Variants in EXOC4 observed in about 807,000 individuals in gnomAD.
The protein encoded by EXOC4 is exocyst complex component 4, also known as SEC8-like 1.
EXOC4 carries 71 observed loss-of-function variants against 107.2 expected under a neutral mutation model. The observed-to-expected ratio is 0.66, with a 90% CI of 0.55 to 0.81. The LOEUF is 0.81. Ranked by LOEUF, EXOC4 falls within the 30% of genes least tolerant of loss-of-function variation. The probability of loss-of-function intolerance (pLI) is 0.00; values close to 1 mark genes in which losing one functional copy is unlikely to be tolerated. For synonymous variants in EXOC4, 456 were observed against 441.2 expected (o/e 1.03, Z -0.42); for missense variants, 1,108 against 1,189.6 (o/e 0.93, Z 1.01).
At chr7:133,985,468 GCTGCTTAAACAAC>G (rs1362082483) in intron 14 of EXOC4, among the ~76,000 whole-genome samples, 1 of 152,174 alleles carries the variant, frequency 6.6e-6, no homozygotes, top group Non-Finnish European at 1.5e-5. Flanking sequence ...TTACCTAGAA[GCTGCTTAAACAAC>G]CTGCTGTGAC....
intron 6 of EXOC4, among the ~76,000 whole-genome samples, chr7:133,357,126 A>G (rs1039854311): frequency 3.3e-5 from 5 of 152,242 alleles, no homozygotes; most frequent in African/African-American, 1.2e-4. Flanking sequence ...TATTTATAGT[A>G]GAGATTGTCG....
chr7:133,817,504 A>G lies in EXOC4; in HGVS notation c.1694A>G (p.Asp565Gly). Residue 565 changes from aspartate to glycine, a missense_variant, in exon 11 of 18, where the codon GAC becomes GGC. Coordinates refer to ENST00000253861, the MANE Select transcript of EXOC4 (RefSeq NM_021807.4). ...CCTTTGAAGATTCTGGCCAACGCAGACACCATGAAGGTGCTGGGAGTGCAG... is the reference window on the plus strand; with the variant it reads ...CCTTTGAAGATTCTGGCCAACGCAGGCACCATGAAGGTGCTGGGAGTGCAG... ...SDPLKILANA[D>G]TMKVLGVQRP... 2 of 1,614,174 alleles carry G rather than the reference A, an allele frequency of 1.2e-6. No homozygotes were observed. Among genetic ancestry groups the G allele is most frequent in the Non-Finnish European group, 1.7e-6 (2 of 1,180,010 alleles).
intron 9 of EXOC4, among the ~76,000 whole-genome samples, chr7:133,584,866 G>A (rs1044301157): frequency 1.3e-5 from 2 of 152,044 alleles, no homozygotes; most frequent in African/African-American, 2.4e-5. Flanking sequence ...GTGAGCCACC[G>A]TGCCTGGTCC....
chr7:134,007,158 AT>A (rs1794661322), intron 16 of EXOC4, among the ~76,000 whole-genome samples: 1 of 152,174 alleles, frequency 6.6e-6, no homozygotes, highest in Admixed American at 6.5e-5. Flanking sequence ...TTACTTGGCA[AT>A]GTTGAAATAT....
At chr7:133,858,675 C>T (rs916929901) in intron 11 of EXOC4, among the ~76,000 whole-genome samples, 9 of 152,148 alleles carry the variant, frequency 5.9e-5, no homozygotes, top group African/African-American at 1.4e-4. Context: ...ACCTGGTATG[C>T]GCAGGTGCTC....
chr7:133,810,591 CTTTGCTTTATTTTATTTTATTTTAT>C (rs1355971754), intron 10 of EXOC4, among the ~76,000 whole-genome samples: 33 of 71,190 alleles, frequency 4.6e-4, no homozygotes, highest in Admixed American at 2.1e-3. Context: ...AAGATCCATG[CTTTGCTTTATTTTATTTTATTTTAT>C]TTTATTTTAT....
chr7:133,899,602 C>G (rs1399356368), intron 12 of EXOC4, among the ~76,000 whole-genome samples: 1 of 152,144 alleles, frequency 6.6e-6, no homozygotes, highest in Non-Finnish European at 1.5e-5. Context: ...TCTTGCTTTC[C>G]CTCCTTAAAC....
intron 9 of EXOC4, among the ~76,000 whole-genome samples, chr7:133,594,304 T>C (rs1225285932): frequency 6.6e-6 from 1 of 152,100 alleles, no homozygotes; most frequent in Non-Finnish European, 1.5e-5. Context: ...AAAGAATGAA[T>C]AATATTTTCA....
chr7:133,702,380 C>G (rs568719034), intron 10 of EXOC4, among the ~76,000 whole-genome samples: 1 of 144,742 alleles, frequency 6.9e-6, no homozygotes, highest in East Asian at 2.2e-4. Context: ...ACGCTGTTGC[C>G]CAAGCTGCAG....
At chr7:133,802,629 C>CA in intron 10 of EXOC4, among the ~76,000 whole-genome samples, 1 of 152,122 alleles carries the variant, frequency 6.6e-6, no homozygotes, top group Non-Finnish European at 1.5e-5. Context: ...GAGGCTGAGG[C>CA]AGGCGGATCA....
chr7:133,839,183 G>GA (rs1797976524), intron 11 of EXOC4, among the ~76,000 whole-genome samples: 1 of 152,136 alleles, frequency 6.6e-6, no homozygotes, highest in Non-Finnish European at 1.5e-5. Flanking sequence ...CCAGCGTTTT[G>GA]AAAAATCACT....
Position 133,902,861 on chromosome 7 carries a change from C to A in EXOC4, c.1871+7126C>A, listed in dbSNP as rs1468585804. On this transcript the variant is annotated intron_variant, in intron 12 of 17. Coordinates refer to ENST00000253861, the MANE Select transcript of EXOC4 (RefSeq NM_021807.4). ...AGAATGAGACTCTGTCTCAAAAAAACAAAACAAAAAAAAAAAGAATTTTCG... is the reference window on the plus strand; with the variant it reads ...AGAATGAGACTCTGTCTCAAAAAAAAAAAACAAAAAAAAAAAGAATTTTCG... 2.5e-3 allele frequency among the ~76,000 whole-genome samples: 265 copies of A among 107,300 alleles called. 1 individual carries two copies. The highest frequency in any genetic ancestry group is 9.3e-3 in the Middle Eastern group (2 of 214). The allele number at this position is 107,300 out of a possible 152,430, so 70.4% of individuals were successfully genotyped here. A position where few individuals can be genotyped will look rare whatever the true frequency, so the allele number is the denominator to read the frequency against.
chr7:133,929,210 C>T lies in EXOC4; in HGVS notation c.2028-8681C>T, dbSNP rs115392421. ...CCTCCCAACGTGCTGGTATTATAGG[C>T]ATGAGCCACCACGCCCGGTTACAGT... On this transcript the variant is annotated intron_variant, in intron 13 of 17. Transcript: ENST00000253861. 2.4e-3 allele frequency among the ~76,000 whole-genome samples: 366 copies of T among 152,166 alleles called. 5 individuals are homozygous for T. Among genetic ancestry groups the T allele is most frequent in the African/African-American group, 8.2e-3 (342 of 41,528 alleles).
intron 11 of EXOC4, among the ~76,000 whole-genome samples, chr7:133,858,158 C>A (rs1798458353): frequency 6.6e-6 from 1 of 152,186 alleles, no homozygotes. Flanking sequence ...TCGCACCCAC[C>A]ATTCGGTGTG....
At chr7:133,851,835 A>G (rs368884871) in intron 11 of EXOC4, among the ~76,000 whole-genome samples, 15 of 152,182 alleles carry the variant, frequency 9.9e-5, no homozygotes, top group East Asian at 3.9e-4. Flanking sequence ...AGAGTGTCAC[A>G]AACTTCAACA....
chr7:134,018,141 A>G (rs953203506), intron 17 of EXOC4, among the ~76,000 whole-genome samples: 6 of 152,188 alleles, frequency 3.9e-5, no homozygotes, highest in African/African-American at 1.4e-4. Context: ...TTTTTCTGCC[A>G]GGGAAGGGTT....
intron 13 of EXOC4, among the ~76,000 whole-genome samples, chr7:133,918,043 C>T (rs1449986837): frequency 2.7e-5 from 4 of 150,122 alleles, no homozygotes; most frequent in South Asian, 2.1e-4. Context: ...AGTACAGTGG[C>T]GCAATCTCGG....
intron 11 of EXOC4, among the ~76,000 whole-genome samples, chr7:133,830,428 G>A (rs534373220): frequency 2.0e-5 from 3 of 152,194 alleles, no homozygotes; most frequent in Non-Finnish European, 4.4e-5. Flanking sequence ...CTTTCAAAAT[G>A]TTGCTTTAGA....
intron 9 of EXOC4, among the ~76,000 whole-genome samples, chr7:133,583,433 A>T (rs1585012830): frequency 6.6e-6 from 1 of 152,348 alleles, no homozygotes; most frequent in East Asian, 1.9e-4. Flanking sequence ...CCAGGGACTG[A>T]AATGCTGTTC....
Sources: allele counts gnomAD v4.1 joint callset (sites outside exome capture counted in the v4.1 genomes callset), GRCh38; gene constraint gnomAD v4.1.1; transcripts MANE v1.5; gene names NCBI Gene and HGNC (gene_info 2026-07-23, HGNC 2026-07-21).